The following DMTN variants were observed in gnomAD, a reference collection of about 807,000 sequenced individuals.
The protein encoded by DMTN is dematin.
A neutral mutation model predicts 59.4 loss-of-function variants in DMTN; 27 were observed. The ratio of observed to expected loss-of-function variants is 0.45; its 90% CI spans 0.33 to 0.63. The LOEUF (loss-of-function observed/expected upper bound fraction) is 0.63. Ranked by LOEUF, DMTN falls within the 20% of genes least tolerant of loss-of-function variation. The pLI is 0.02. For synonymous variants in DMTN, 221 were observed against 203.7 expected (o/e 1.08, Z -0.72); for missense variants, 451 against 528.9 (o/e 0.85, Z 1.45).
chr8:22,069,563 C>T (rs763788185), intron 6 of DMTN, 45 bp downstream of exon 6: 4 of 1,486,392 alleles, frequency 2.7e-6, no homozygotes, highest in Admixed American at 3.9e-5. Context: ...AGACTTTCTC[C>T]ATCAGGAACC....
At chr8:22,049,796 C>T (rs1256130873), upstream of DMTN, among the ~76,000 whole-genome samples, 1 of 152,148 alleles carries the variant, frequency 6.6e-6, no homozygotes, top group African/African-American at 2.4e-5. Context: ...CTTTCTGAGA[C>T]TACCTTGAGG....
At chr8:22,065,824 G>A (rs1306265951) in intron 1 of DMTN, among the ~76,000 whole-genome samples, 2 of 112,142 alleles carry the variant, frequency 1.8e-5, no homozygotes, top group African/African-American at 6.4e-5. Context: ...GACAGAGCAA[G>A]ACCTTTTTTT....
At chr8:22,049,060 G>A (rs976764764), upstream of DMTN, 10 of 142,458 alleles carry the variant, frequency 7.0e-5, no homozygotes, top group African/African-American at 2.4e-4. Context: ...GAAAACCCGA[G>A]CCCCCGGAGG....
chr8:22,049,575 C>A (rs1399644827), upstream of DMTN, among the ~76,000 whole-genome samples: 2 of 150,570 alleles, frequency 1.3e-5, no homozygotes, highest in Non-Finnish European at 3.0e-5. Context: ...GACAACCCCC[C>A]CCCCCCGCCA....
At chr8:22,067,502 G>A in intron 3 of DMTN, 25 bp from the exon 4 acceptor site, 1 of 1,613,682 alleles carries the variant, frequency 6.2e-7, no homozygotes, top group Non-Finnish European at 8.5e-7. Flanking sequence ...CGGCACAGCA[G>A]TTTCACGCGC....
At chr8:22,055,987 C>T (rs768065175), upstream of DMTN, among the ~76,000 whole-genome samples, 1 of 152,214 alleles carries the variant, frequency 6.6e-6, no homozygotes, top group South Asian at 2.1e-4. Flanking sequence ...GTGGAGAGGA[C>T]ATTGGGGCCA....
chr8:22,070,098 C>T, intron 7 of DMTN, 84 bp from the exon 8 acceptor site: 1 of 1,553,998 alleles, frequency 6.4e-7, no homozygotes, highest in South Asian at 1.2e-5. Flanking sequence ...TGCAGGACCT[C>T]ACAGGTGTGA....
chr8:22,050,227 G>C (rs980572067), upstream of DMTN, among the ~76,000 whole-genome samples: 60 of 152,272 alleles, frequency 3.9e-4, no homozygotes, highest in African/African-American at 1.4e-3. Context: ...GGACTTAACG[G>C]GGGCAACACC....
intron 8 of DMTN, among the ~76,000 whole-genome samples, chr8:22,071,989 G>A (rs563767220): frequency 3.3e-5 from 5 of 152,134 alleles, no homozygotes; most frequent in Non-Finnish European, 5.9e-5. Context: ...GAATTACTGG[G>A]CTCAAGCAAT....
chr8:22,054,482 G>A (rs917929394), upstream of DMTN, among the ~76,000 whole-genome samples: 5 of 152,062 alleles, frequency 3.3e-5, no homozygotes, highest in African/African-American at 7.2e-5. Context: ...TGCAGCCAGC[G>A]CCCAGGGGCC....
chr8:22,081,022 C>A (rs989263766), intron 14 of DMTN, 91 bp from the exon 15 acceptor site: 1 of 1,493,954 alleles, frequency 6.7e-7, no homozygotes, highest in African/African-American at 1.4e-5. Context: ...GCATGAACCC[C>A]AGTGGCCTCT....
chr8:22,049,133 G>T (rs1360821969), upstream of DMTN: 1 of 150,408 alleles, frequency 6.6e-6, no homozygotes, highest in Non-Finnish European at 1.5e-5. Context: ...CCAGGCCCGA[G>T]GCGCAGGCGA....
chr8:22,078,490 A>G (rs1315826415), intron 10 of DMTN, among the ~76,000 whole-genome samples: 1 of 50,758 alleles, frequency 2.0e-5, no homozygotes, highest in Non-Finnish European at 3.9e-5. Context: ...GAGGTTAACT[A>G]TTTATACAAA....
At position 22,069,573 on chromosome 8, in the gene DMTN, C is replaced by A. The variant is rs79543612; in HGVS notation, c.394+55C>A. 3,983 of 1,444,632 alleles carry A rather than the reference C, an allele frequency of 2.8e-3. 95 individuals carry two copies. In the African/African-American group the frequency reaches 0.052, roughly 19 times the overall value. 89.5% of individuals were successfully genotyped at this position (1,444,632 alleles called of 1,614,324 possible). Reference sequence around the variant, plus strand: ...TCCTAAGACTTTCTCCATCAGGAACCCCAATCCCCTTACGCTCAGTCCCCC... The same window carrying A: ...TCCTAAGACTTTCTCCATCAGGAACACCAATCCCCTTACGCTCAGTCCCCC... On this transcript the variant is annotated intron_variant, in intron 6 of 15. Transcript: ENST00000358242.
chr8:22,061,282 CAAAA>C (rs533576492), intron 1 of DMTN, among the ~76,000 whole-genome samples: 7 of 66,552 alleles, frequency 1.1e-4, no homozygotes, highest in Admixed American at 5.2e-4. Flanking sequence ...GACCCTGTCT[CAAAA>C]AAAAAAAAAA....
intron 1 of DMTN, among the ~76,000 whole-genome samples, chr8:22,061,439 C>T (rs1270878826): frequency 6.6e-6 from 1 of 152,218 alleles, no homozygotes; most frequent in African/African-American, 2.4e-5. Flanking sequence ...GTGCCTCTGG[C>T]ACGGTATTTG....
At chr8:22,067,194 C>A in intron 3 of DMTN, 35 bp downstream of exon 3, 1 of 1,601,150 alleles carries the variant, frequency 6.2e-7, no homozygotes, top group Non-Finnish European at 8.5e-7. Flanking sequence ...CAACCCCTGG[C>A]TGGGAGGGGG....
At chr8:22,068,736 A>C (rs1812781574) in intron 4 of DMTN, among the ~76,000 whole-genome samples, 1 of 151,376 alleles carries the variant, frequency 6.6e-6, no homozygotes, top group African/African-American at 2.4e-5. Context: ...GAGAGGAGAA[A>C]AGGGGAGGAG....
Position 22,081,488 on chromosome 8 carries a change from C to A in DMTN, c.*25C>A. Reference sequence around the variant, plus strand: ...ATGGCCCCCACCTGCTCCGGGACGGCCCCCTTACCCCTGCTGCTTCAGGGT... The same window carrying A: ...ATGGCCCCCACCTGCTCCGGGACGGACCCCTTACCCCTGCTGCTTCAGGGT... On this transcript the variant is annotated 3_prime_UTR_variant, in exon 16 of 16. Coordinates refer to ENST00000358242, the MANE Select transcript of DMTN (RefSeq NM_001387751.1). 6.3e-7 allele frequency: 1 copy of A among 1,595,190 alleles called. No homozygotes were observed.
Sources: gnomAD v4.1 joint callset for allele counts (sites outside exome capture counted in the v4.1 genomes callset) on GRCh38, gnomAD v4.1.1 for gene constraint, MANE v1.5 for transcripts, NCBI Gene and HGNC (gene_info 2026-07-23, HGNC 2026-07-21) for gene names.